The following LRMDA variants were observed in gnomAD, a reference collection of about 807,000 sequenced individuals.
LRMDA encodes the protein leucine rich melanocyte differentiation associated.
A neutral mutation model predicts 29.8 loss-of-function variants in LRMDA; 18 were observed. The observed-to-expected ratio is 0.60, with a 90% CI of 0.42 to 0.90. The LOEUF (loss-of-function observed/expected upper bound fraction) is 0.90, where lower values mean the gene tolerates loss of function less well. Ranked by LOEUF, LRMDA falls within the 40% of genes least tolerant of loss-of-function variation. The pLI, the probability that LRMDA is intolerant of heterozygous loss-of-function variation, is 0.00. For missense variants in LRMDA, 273 were observed against 273.9 expected (o/e 1.00, Z 0.02); for synonymous variants, 125 against 109.4 (o/e 1.14, Z -0.89).
intron 5 of LRMDA, among the ~76,000 whole-genome samples, chr10:76,151,314 C>A (rs1053928618): frequency 1.3e-5 from 2 of 152,206 alleles, no homozygotes; most frequent in African/African-American, 4.8e-5. Context: ...TACTGTTCTT[C>A]TGAAAGAGGT....
chr10:75,790,950 A>G (rs915275381), intron 2 of LRMDA, among the ~76,000 whole-genome samples: 4 of 152,228 alleles, frequency 2.6e-5, no homozygotes, highest in Non-Finnish European at 5.9e-5. Flanking sequence ...TCTGGGGAAC[A>G]CTGAGATCAA....
intron 6 of LRMDA, among the ~76,000 whole-genome samples, chr10:76,405,436 G>A (rs1841892545): frequency 6.6e-6 from 1 of 152,222 alleles, no homozygotes; most frequent in East Asian, 1.9e-4. Flanking sequence ...ATGAGGGACA[G>A]GGGAGCTGGG....
chr10:76,483,324 A>C (rs969129852), intron 6 of LRMDA, among the ~76,000 whole-genome samples: 1 of 151,960 alleles, frequency 6.6e-6, no homozygotes, highest in Non-Finnish European at 1.5e-5. Flanking sequence ...GTATACAGAC[A>C]ATGACACTCT....
At chr10:75,830,415 T>C (rs1023065715) in intron 2 of LRMDA, among the ~76,000 whole-genome samples, 3 of 152,198 alleles carry the variant, frequency 2.0e-5, no homozygotes, top group Non-Finnish European at 4.4e-5. Flanking sequence ...AAGACATACC[T>C]GAGACTGGGC....
chr10:75,917,510 G>A (rs1199672607), intron 2 of LRMDA, among the ~76,000 whole-genome samples: 1 of 152,202 alleles, frequency 6.6e-6, no homozygotes, highest in Admixed American at 6.5e-5. Context: ...ATGAAGAGCC[G>A]TTCTCTGGTA....
Position 75,458,649 on chromosome 10 carries a change from C to T in LRMDA, c.131+20155C>T, listed in dbSNP as rs568653426. On this transcript the variant is annotated intron_variant, in intron 2 of 6. Transcript: ENST00000611255. ...TTTTATCTAGTTGTACCTCTGAGCTCAGAGAAGAATTTTATCACCTAACCC... is the reference window on the plus strand; with the variant it reads ...TTTTATCTAGTTGTACCTCTGAGCTTAGAGAAGAATTTTATCACCTAACCC... 3.5e-4 allele frequency among the ~76,000 whole-genome samples: 54 copies of T among 152,210 alleles called. 1 individual carries two copies. The highest frequency in any genetic ancestry group is 6.8e-3 in the Middle Eastern group (2 of 294).
intron 2 of LRMDA, among the ~76,000 whole-genome samples, chr10:75,852,539 C>A (rs532388658): frequency 4.1e-5 from 4 of 97,136 alleles, no homozygotes; most frequent in African/African-American, 5.9e-5. Context: ...ACAACAACAA[C>A]AACAAAAAAA....
chr10:75,684,166 C>G (rs1842056333), intron 2 of LRMDA, among the ~76,000 whole-genome samples: 1 of 152,152 alleles, frequency 6.6e-6, no homozygotes, highest in Non-Finnish European at 1.5e-5. Flanking sequence ...TTATCAATGT[C>G]TCCTCTCTCC....
intron 6 of LRMDA, among the ~76,000 whole-genome samples, chr10:76,511,035 T>C (rs1843004989): frequency 6.6e-6 from 1 of 152,214 alleles, no homozygotes. Flanking sequence ...TATTGTGGGA[T>C]ATTTGAATTG....
At chr10:76,322,422 T>C (rs933311971) in intron 5 of LRMDA, among the ~76,000 whole-genome samples, 1 of 152,234 alleles carries the variant, frequency 6.6e-6, no homozygotes, top group Non-Finnish European at 1.5e-5. Flanking sequence ...CCTGGATTAT[T>C]TTCCATGATG....
intron 6 of LRMDA, among the ~76,000 whole-genome samples, chr10:76,403,646 C>T (rs552538891): frequency 2.6e-5 from 4 of 152,080 alleles, no homozygotes; most frequent in East Asian, 1.9e-4. Context: ...ATAATGAGTT[C>T]GAATTGTTGA....
chr10:76,126,360 A>G (rs1223386868), intron 5 of LRMDA, among the ~76,000 whole-genome samples: 3 of 152,204 alleles, frequency 2.0e-5, no homozygotes, highest in African/African-American at 7.2e-5. Flanking sequence ...GGCATTCTGC[A>G]TATATCAATC....
intron 5 of LRMDA, among the ~76,000 whole-genome samples, chr10:76,189,226 G>A (rs1851203027): frequency 6.6e-6 from 1 of 152,072 alleles, no homozygotes; most frequent in Non-Finnish European, 1.5e-5. Flanking sequence ...GCATGGTGGT[G>A]TGTGCCTGTC....
intron 5 of LRMDA, chr10:76,270,643 A>G (rs1840056940): frequency 6.6e-6 from 1 of 152,072 alleles, no homozygotes; most frequent in South Asian, 2.1e-4. Flanking sequence ...CTCGAGTCTT[A>G]CCTCATAATG....
chr10:75,959,256 C>G (rs922307128), intron 2 of LRMDA, among the ~76,000 whole-genome samples: 3 of 152,186 alleles, frequency 2.0e-5, no homozygotes, highest in African/African-American at 7.2e-5. Flanking sequence ...GACCAGGTCC[C>G]TGGTGCAGCA....
At chr10:75,455,256 C>G (rs1844502147) in intron 2 of LRMDA, among the ~76,000 whole-genome samples, 1 of 152,200 alleles carries the variant, frequency 6.6e-6, no homozygotes, top group Non-Finnish European at 1.5e-5. Context: ...AGGCTGAGAA[C>G]TTGACCACTG....
At chr10:75,575,373 C>A (rs1416652608) in intron 2 of LRMDA, among the ~76,000 whole-genome samples, 2 of 152,182 alleles carry the variant, frequency 1.3e-5, no homozygotes, top group African/African-American at 4.8e-5. Flanking sequence ...AGTCCATAAT[C>A]CAGAGTCTCA....
At chr10:75,667,025 G>T (rs983784946) in intron 2 of LRMDA, among the ~76,000 whole-genome samples, 1 of 152,088 alleles carries the variant, frequency 6.6e-6, no homozygotes, top group Non-Finnish European at 1.5e-5. Context: ...TATGGGTGTG[G>T]ATATTTGTAA....
chr10:75,487,538 G>A (rs1589157647), intron 2 of LRMDA, among the ~76,000 whole-genome samples: 1 of 152,228 alleles, frequency 6.6e-6, no homozygotes, highest in African/African-American at 2.4e-5. Context: ...TTTGGGATGT[G>A]TGGGAGGTGT....
Sources: gnomAD v4.1 joint callset for allele counts (sites outside exome capture counted in the v4.1 genomes callset) on GRCh38, gnomAD v4.1.1 for gene constraint, MANE v1.5 for transcripts, NCBI Gene and HGNC (gene_info 2026-07-23, HGNC 2026-07-21) for gene names.